Variants in GRID2 observed in about 807,000 individuals in gnomAD.
GRID2 encodes glutamate receptor ionotropic, delta-2.
In GRID2, 33 loss-of-function variants were observed where a neutral mutation model predicts 114.8. The ratio of observed to expected loss-of-function variants is 0.29; its 90% CI spans 0.22 to 0.38. The LOEUF (loss-of-function observed/expected upper bound fraction) is 0.38, where lower values mean the gene tolerates loss of function less well. GRID2 is among the 10% of genes least tolerant of loss of function. GRID2 has a pLI of 1.00. For missense variants in GRID2, 1,184 were observed against 1,257.7 expected (o/e 0.94, Z 0.89); for synonymous variants, 505 against 449.9 (o/e 1.12, Z -1.55).
intron 8 of GRID2, among the ~76,000 whole-genome samples, chr4:93,284,543 T>C (rs1752954913): frequency 6.6e-6 from 1 of 151,506 alleles, no homozygotes. Flanking sequence ...ATATAATAAA[T>C]TAATAAATAA....
chr4:93,446,430 T>G (rs1445039089), intron 10 of GRID2, among the ~76,000 whole-genome samples: 1 of 152,060 alleles, frequency 6.6e-6, no homozygotes, highest in African/African-American at 2.4e-5. Flanking sequence ...AAGAACTTTG[T>G]GGCTATCTTA....
At chr4:93,114,030 A>T (rs1232528633) in intron 4 of GRID2, among the ~76,000 whole-genome samples, 1 of 152,146 alleles carries the variant, frequency 6.6e-6, no homozygotes, top group African/African-American at 2.4e-5. Context: ...ATCCCATGAG[A>T]CTGATATCAG....
chr4:92,481,148 C>G (rs538510966), intron 1 of GRID2, among the ~76,000 whole-genome samples: 1 of 152,178 alleles, frequency 6.6e-6, no homozygotes, highest in Non-Finnish European at 1.5e-5. Context: ...GCTGTACTGA[C>G]AAGTACACAA....
intron 1 of GRID2, among the ~76,000 whole-genome samples, chr4:92,470,649 T>G (rs898632490): frequency 1.3e-5 from 2 of 151,952 alleles, no homozygotes; most frequent in Non-Finnish European, 2.9e-5. Flanking sequence ...CAAACTAAAT[T>G]GCATTAGAAA....
At chr4:92,324,791 T>A (rs1020393262) in intron 1 of GRID2, among the ~76,000 whole-genome samples, 3 of 151,914 alleles carry the variant, frequency 2.0e-5, no homozygotes, top group Non-Finnish European at 4.4e-5. Context: ...CAGGACTGGT[T>A]TGTTGAAGGT....
intron 2 of GRID2, among the ~76,000 whole-genome samples, chr4:93,003,784 T>A (rs1161469371): frequency 6.6e-6 from 1 of 152,020 alleles, no homozygotes. Context: ...TCTAAAACTC[T>A]ATTTAATCAG....
intron 8 of GRID2, among the ~76,000 whole-genome samples, chr4:93,281,181 G>A (rs1007015606): frequency 8.6e-5 from 13 of 151,858 alleles, no homozygotes; most frequent in Admixed American, 7.9e-4. Context: ...AGTATAACTA[G>A]AGAAGGCCTC....
intron 2 of GRID2, among the ~76,000 whole-genome samples, chr4:92,848,416 T>G (rs1743500155): frequency 6.6e-6 from 1 of 151,970 alleles, no homozygotes; most frequent in Non-Finnish European, 1.5e-5. Context: ...CATTATTGTT[T>G]CTACTCCATA....
At chr4:93,304,358 G>A (rs983238311) in intron 8 of GRID2, among the ~76,000 whole-genome samples, 3 of 151,276 alleles carry the variant, frequency 2.0e-5, no homozygotes, top group South Asian at 2.1e-4. Context: ...GAATGCAGTG[G>A]AGAGAGAGTT....
intron 2 of GRID2, among the ~76,000 whole-genome samples, chr4:92,918,177 A>C (rs574351710): frequency 3.3e-5 from 5 of 152,034 alleles, no homozygotes; most frequent in East Asian, 3.9e-4. Context: ...TATAAGAATG[A>C]TTGTTATTTT....
chr4:93,373,236 T>C (rs1763090152), intron 8 of GRID2, among the ~76,000 whole-genome samples: 2 of 152,164 alleles, frequency 1.3e-5, no homozygotes, highest in Admixed American at 1.3e-4. Flanking sequence ...GTGCTGTTCC[T>C]CAAACTAGAA....
chr4:93,045,633 T>C (rs1726056924), intron 2 of GRID2, among the ~76,000 whole-genome samples: 1 of 152,140 alleles, frequency 6.6e-6, no homozygotes, highest in South Asian at 2.1e-4. Flanking sequence ...GCTTAAAACT[T>C]ACTTTTATTA....
chr4:93,489,964 T>C (rs539865117), intron 11 of GRID2, among the ~76,000 whole-genome samples: 2 of 152,034 alleles, frequency 1.3e-5, no homozygotes, highest in South Asian at 4.1e-4. Flanking sequence ...GTTATCAAAG[T>C]ATACTGTAGA....
At chr4:92,789,023 A>G (rs917349296) in intron 2 of GRID2, among the ~76,000 whole-genome samples, 3 of 151,846 alleles carry the variant, frequency 2.0e-5, no homozygotes, top group African/African-American at 7.2e-5. Context: ...TTAATTTAAA[A>G]ATATTTGTAT....
intron 8 of GRID2, among the ~76,000 whole-genome samples, chr4:93,257,881 A>G (rs1249159296): frequency 1.3e-5 from 2 of 151,114 alleles, no homozygotes; most frequent in Non-Finnish European, 3.0e-5. Flanking sequence ...CTTATTGCTG[A>G]ATAAAGGATT....
intron 4 of GRID2, among the ~76,000 whole-genome samples, chr4:93,196,224 A>C (rs1741476929): frequency 6.6e-6 from 1 of 152,144 alleles, no homozygotes; most frequent in African/African-American, 2.4e-5. Context: ...TTATGGAAGA[A>C]ACTATGAAAG....
chr4:92,368,350 C>A (rs538132569), intron 1 of GRID2, among the ~76,000 whole-genome samples: 1 of 152,042 alleles, frequency 6.6e-6, no homozygotes, highest in African/African-American at 2.4e-5. Context: ...AAGTTTTATG[C>A]CTGAGACTTT....
At chr4:93,463,999 A>G (rs141964434) in intron 11 of GRID2, among the ~76,000 whole-genome samples, 2 of 152,006 alleles carry the variant, frequency 1.3e-5, no homozygotes, top group Non-Finnish European at 2.9e-5. Context: ...AAAAACAAAA[A>G]CAAAAACAAG....
At chr4:93,188,187 G>A (rs141792502) in intron 4 of GRID2, among the ~76,000 whole-genome samples, 149 of 152,288 alleles carry the variant, frequency 9.8e-4, no homozygotes, top group Non-Finnish European at 1.7e-3. Context: ...CCCCACTCCT[G>A]TGGCTGTTCA....
Sources: allele counts gnomAD v4.1 joint callset (sites outside exome capture counted in the v4.1 genomes callset), GRCh38; gene constraint gnomAD v4.1.1; transcripts MANE v1.5; gene names NCBI Gene and HGNC (gene_info 2026-07-23, HGNC 2026-07-21).